PTPRB: variants seen among roughly 807,000 people sequenced by gnomAD.
The protein encoded by PTPRB is receptor-type tyrosine-protein phosphatase beta.
Under a neutral mutation model 238.1 loss-of-function variants are expected in PTPRB, and 97 were observed. That is an observed-to-expected ratio of 0.41 (90% CI 0.35 to 0.48). The LOEUF (loss-of-function observed/expected upper bound fraction) is 0.48. Ranked by LOEUF, PTPRB falls within the 20% of genes least tolerant of loss-of-function variation. PTPRB has a pLI of 0.30. For missense variants in PTPRB, 2,292 were observed against 2,681.9 expected (o/e 0.85, Z 3.21); for synonymous variants, 970 against 995.4 (o/e 0.97, Z 0.48).
chr12:70,534,445 C>G, intron 31 of PTPRB, 43 bp downstream of exon 31: 1 of 1,595,906 alleles, frequency 6.3e-7, no homozygotes, highest in South Asian at 1.1e-5. Context: ...AGGCACAACC[C>G]CCTTATGGCT....
At chr12:70,551,800 G>C (rs1876919469) in intron 21 of PTPRB, among the ~76,000 whole-genome samples, 1 of 152,070 alleles carries the variant, frequency 6.6e-6, no homozygotes, top group Non-Finnish European at 1.5e-5. Context: ...TGCTGATTGG[G>C]ATGCTATATA....
At chr12:70,545,745 C>T (rs1312796920) in intron 21 of PTPRB, among the ~76,000 whole-genome samples, 2 of 152,140 alleles carry the variant, frequency 1.3e-5, no homozygotes, top group African/African-American at 4.8e-5. Context: ...AGAGGAGGAA[C>T]TAGATGGGGC....
chr12:70,536,866 GC>G (rs1473527393), intron 28 of PTPRB, among the ~76,000 whole-genome samples: 2 of 152,160 alleles, frequency 1.3e-5, no homozygotes, highest in East Asian at 3.8e-4. Context: ...GCTTGGCTGA[GC>G]CTTCTTTTAT....
chr12:70,531,919 T>C, intron 32 of PTPRB, 116 bp downstream of exon 32: 2 of 1,209,282 alleles, frequency 1.7e-6, no homozygotes, highest in South Asian at 2.8e-5. Context: ...GTTCTTTTTT[T>C]CTCTTCCTAA....
At chr12:70,609,391 G>T in intron 3 of PTPRB, 52 bp from the exon 4 acceptor site, 1 of 1,576,614 alleles carries the variant, frequency 6.3e-7, no homozygotes, top group Non-Finnish European at 8.6e-7. Context: ...GACTGCTCAG[G>T]GACATGTCCA....
intron 4 of PTPRB, among the ~76,000 whole-genome samples, chr12:70,605,551 A>T (rs1883879295): frequency 6.6e-6 from 1 of 152,262 alleles, no homozygotes; most frequent in African/African-American, 2.4e-5. Context: ...ACCACAAAGT[A>T]GAAGTCACAA....
chr12:70,632,970 A>G (rs1885522335), intron 2 of PTPRB, among the ~76,000 whole-genome samples: 3 of 152,230 alleles, frequency 2.0e-5, no homozygotes, highest in Non-Finnish European at 4.4e-5. Context: ...TGTTAAATAA[A>G]TATTACCTGG....
chr12:70,576,624 A>C lies in PTPRB; in HGVS notation c.2600T>G (p.Val867Gly). The change falls in exon 11 of 34, where the codon GTA becomes GGA. Residue 867 changes from valine (V) to glycine (G), a missense_variant. By Grantham distance (109) the Val-to-Gly change is moderately radical (BLOSUM62 -3). This residue lies in a region of PTPRB where 1,205 missense variants were observed against 1,287.8 expected (regional missense o/e 0.94). Transcript: ENST00000334414. ...ATTACGACCGGAATTGTTCACCGTT[A>C]CTCCACTCACACTGGAAGGGACTGT... Reference protein sequence around the residue: ...GRTVPSSVSGVTVNNSGRNDY... With the variant: ...GRTVPSSVSGGTVNNSGRNDY... 7.7e-7 allele frequency: 1 copy of C among 1,292,020 alleles called. No individual in the cohort carries two copies. Among genetic ancestry groups the C allele is most frequent in the Non-Finnish European group, 1.0e-6 (1 of 990,208 alleles). The allele number at this position is 1,292,020 out of a possible 1,614,324, so 80.0% of individuals were successfully genotyped here.
chr12:70,560,847 A>G lies in PTPRB; in HGVS notation c.4256T>C (p.Phe1419Ser), dbSNP rs1410572342. The G allele has an allele frequency of 6.2e-7, 1 of 1,614,002 alleles. No individual in the cohort carries two copies. Among genetic ancestry groups the G allele is most frequent in the East Asian group, 2.2e-5 (1 of 44,878 alleles). Residue 1419 changes from phenylalanine (F) to serine (S), a missense_variant, in exon 17 of 34, where the codon TTT becomes TCT. Transcript: ENST00000334414. This position sits in a 1 kb window ranked among gnomAD's most constrained non-coding sequence, Gnocchi z 4.2. Reference protein sequence around the residue: ...WFNWSPASGDFDFYELILYNP... With the variant: ...WFNWSPASGDSDFYELILYNP... ...ATAGAGAATCAGCTCATAAAAGTCA[A>G]AGTCCCCAGAGGCTGGACTCCAGTT...
chr12:70,617,816 T>A (rs1884747274), intron 3 of PTPRB, among the ~76,000 whole-genome samples: 1 of 140,720 alleles, frequency 7.1e-6, no homozygotes, highest in Non-Finnish European at 1.5e-5. Flanking sequence ...ATTCATGAAC[T>A]GAGGAAATGC....
In PTPRB at chr12:70,521,450, A is replaced by G; in HGVS notation, c.*39T>C. On this transcript the variant is annotated 3_prime_UTR_variant, in exon 34 of 34. Transcript: ENST00000334414. ...GCAAGTTTTTAAAAACAAATCACAC[A>G]GTGAATAATTTTTATCCAGGAGCTC... 1.3e-6 allele frequency: 2 copies of G among 1,509,424 alleles called. No individual in the cohort carries two copies. Among genetic ancestry groups the G allele is most frequent in the Non-Finnish European group, 1.8e-6 (2 of 1,124,878 alleles). The allele number at this position is 1,509,424 out of a possible 1,614,324, so 93.5% of individuals were successfully genotyped here. A position where few individuals can be genotyped will look rare whatever the true frequency, so the allele number is the denominator to read the frequency against.
At chr12:70,627,215 G>T (rs1436475840) in intron 2 of PTPRB, among the ~76,000 whole-genome samples, 2 of 152,140 alleles carry the variant, frequency 1.3e-5, no homozygotes, top group African/African-American at 2.4e-5. Flanking sequence ...GGCATGCTGG[G>T]TGGAGGAGGA....
rs1426429389 is a variant in PTPRB, at chr12:70,559,563, C to T, written c.4494G>A (p.Thr1498=). 16 of 1,613,286 alleles carry T rather than the reference C, an allele frequency of 9.9e-6. No individual in the cohort carries two copies. The highest frequency in any genetic ancestry group is 1.3e-5 in the African/African-American group (1 of 74,900). ...ADIANTSLAI[T]WKGPPDWTDY... ...CTGTCCAGTCTGGGGGCCCTTTCCACGTGATGGCCAAGGATGTGTTTGCAA... is the reference window on the plus strand; with the variant it reads ...CTGTCCAGTCTGGGGGCCCTTTCCATGTGATGGCCAAGGATGTGTTTGCAA... Residue 1498 remains threonine, a synonymous_variant, in exon 18 of 34, where the codon ACG becomes ACA. Coordinates refer to ENST00000334414, the MANE Select transcript of PTPRB (RefSeq NM_001109754.4).
chr12:70,621,474 A>G (rs1023782490), intron 3 of PTPRB, among the ~76,000 whole-genome samples: 1 of 152,234 alleles, frequency 6.6e-6, no homozygotes, highest in African/African-American at 2.4e-5. Context: ...TGAAGGAAGA[A>G]CTAGGTCACA....
chr12:70,571,249 G>GCTC lies in PTPRB; in HGVS notation c.3144_3146dup (p.Arg1048dup). On this transcript the variant is annotated inframe_insertion, in exon 13 of 34. Coordinates refer to ENST00000334414, the MANE Select transcript of PTPRB (RefSeq NM_001109754.4). ...ACCAAGTCACATGCAAGTCCTCAGTGCTCCTGTTGCGCAATGTTAGATCCT... is the reference window on the plus strand; with the variant it reads ...ACCAAGTCACATGCAAGTCCTCAGTGCTCCTCCTGTTGCGCAATGTTAGATCCT... 1 of 1,609,792 alleles carries GCTC rather than the reference G, an allele frequency of 6.2e-7. No individual in the cohort carries two copies. Among genetic ancestry groups the GCTC allele is most frequent in the East Asian group, 2.2e-5 (1 of 44,838 alleles).
chr12:70,549,900 A>G (rs1217308079), intron 21 of PTPRB, among the ~76,000 whole-genome samples: 4 of 145,720 alleles, frequency 2.7e-5, no homozygotes, highest in African/African-American at 9.7e-5. Flanking sequence ...AATGTGTTAC[A>G]TCCTTAGAGC....
chr12:70,597,374 G>C lies in PTPRB; in HGVS notation c.980-1047C>G, dbSNP rs549338526. ...GGATCAGTTTGAGAAGTCCTGCTTT[G>C]CCTATGTTGAATCTCCACCATTGAA... On this transcript the variant is annotated intron_variant, in intron 4 of 33. Transcript: ENST00000334414. Among the ~76,000 whole-genome samples the C allele has an allele frequency of 5.1e-3, 774 of 152,250 alleles. 11 individuals are homozygous for C. Among genetic ancestry groups the C allele is most frequent in the African/African-American group, 0.018 (739 of 41,546 alleles).
intron 8 of PTPRB, 26 bp from the exon 9 acceptor site, chr12:70,587,293 T>C (rs1281022128): frequency 1.2e-6 from 2 of 1,611,532 alleles, no homozygotes; most frequent in African/African-American, 1.3e-5. Context: ...TGGAGATGGG[T>C]CATTGATGGA....
chr12:70,539,614 C>T lies in PTPRB; in HGVS notation c.5778+11G>A. The T allele has an allele frequency of 2.6e-6, 4 of 1,518,816 alleles. No individual in the cohort carries two copies. The highest frequency in any genetic ancestry group is 3.6e-6 in the Non-Finnish European group (4 of 1,111,504). 94.1% of individuals were successfully genotyped at this position (1,518,816 alleles called of 1,614,324 possible). On this transcript the variant is annotated intron_variant, in intron 26 of 33. Coordinates refer to ENST00000334414, the MANE Select transcript of PTPRB (RefSeq NM_001109754.4). ...TAGGGATGCTGAAGCTTCATTCTGC[C>T]TGAGTTGTACCTCGTATTCCTTGGA...
Sources: allele counts gnomAD v4.1 joint callset (sites outside exome capture counted in the v4.1 genomes callset), GRCh38; gene constraint gnomAD v4.1.1; regional missense constraint gnomAD v4.1.1; non-coding constraint Gnocchi (gnomAD v3.1); transcripts MANE v1.5; gene names NCBI Gene and HGNC (gene_info 2026-07-23, HGNC 2026-07-21).